UBE2H: variants seen among roughly 807,000 people sequenced by gnomAD.
UBE2H encodes ubiquitin-conjugating enzyme E2 H.
Under a neutral mutation model 29.0 loss-of-function variants are expected in UBE2H, and 3 were observed. The ratio of observed to expected loss-of-function variants is 0.10; its 90% CI spans 0.05 to 0.27. The LOEUF (loss-of-function observed/expected upper bound fraction) is 0.27, where lower values mean the gene tolerates loss of function less well. Among genes scored for constraint, UBE2H ranks in the 10% least tolerant of loss-of-function variants. The pLI is 1.00. For missense variants in UBE2H, 68 were observed against 228.2 expected (o/e 0.30, Z 4.52); for synonymous variants, 69 against 82.9 (o/e 0.83, Z 0.91).
chr7:129,883,115 A>G (rs58667643), intron 1 of UBE2H, among the ~76,000 whole-genome samples: 74 of 152,378 alleles, frequency 4.9e-4, no homozygotes, highest in African/African-American at 1.8e-3. Context: ...TTTCTTCACT[A>G]TAAACAATGA....
At chr7:129,857,359 A>G in intron 5 of UBE2H, 152 bp downstream of exon 5, 1 of 710,090 alleles carries the variant, frequency 1.4e-6, no homozygotes, top group Non-Finnish European at 2.3e-6. Context: ...AAGAGAAAAC[A>G]TTTTTTCCAC....
At chr7:129,868,245 T>C (rs908348060) in intron 3 of UBE2H, among the ~76,000 whole-genome samples, 1 of 151,826 alleles carries the variant, frequency 6.6e-6, no homozygotes, top group Non-Finnish European at 1.5e-5. Flanking sequence ...AAATAGCAAA[T>C]GAAAAGATTA....
rs185462468 is a variant in UBE2H, at chr7:129,918,320, G to C, written c.53+34183C>G. On this transcript the variant is annotated intron_variant, in intron 1 of 6. Coordinates refer to ENST00000355621, the MANE Select transcript of UBE2H (RefSeq NM_003344.4). ...GTAGCAAGAGTAAGAGATAAAGACT[G>C]AAAGTATCCTCATGAAAGACATTGT... Among the ~76,000 whole-genome samples the C allele has an allele frequency of 4.2e-4, 64 of 151,674 alleles. 1 individual carries two copies. Among genetic ancestry groups the C allele is most frequent in the African/African-American group, 1.5e-3 (63 of 41,358 alleles).
At chr7:129,858,990 A>G in intron 3 of UBE2H, 49 bp from the exon 4 acceptor site, 1 of 1,500,892 alleles carries the variant, frequency 6.7e-7, no homozygotes, top group Non-Finnish European at 9.2e-7. Flanking sequence ...AGAGAACAAT[A>G]AAAGTATTTC....
At chr7:129,870,358 G>A (rs1806003604) in intron 3 of UBE2H, among the ~76,000 whole-genome samples, 2 of 152,224 alleles carry the variant, frequency 1.3e-5, no homozygotes, top group African/African-American at 4.8e-5. Flanking sequence ...GCTCACACCT[G>A]CTGTCCCAGC....
intron 4 of UBE2H, among the ~76,000 whole-genome samples, chr7:129,858,419 T>TA (rs1805744586): frequency 6.6e-6 from 1 of 152,080 alleles, no homozygotes; most frequent in African/African-American, 2.4e-5. Flanking sequence ...GCACTAGAAG[T>TA]ATAAAACAGG....
intron 1 of UBE2H, among the ~76,000 whole-genome samples, chr7:129,887,218 CTTTTTT>C (rs58727788): frequency 4.8e-5 from 5 of 103,966 alleles, no homozygotes; most frequent in Middle Eastern, 8.8e-3. Context: ...CTCTCTTGAA[CTTTTTT>C]TTTTTTTTTT....
At chr7:129,871,669 G>A (rs1176770553) in intron 3 of UBE2H, among the ~76,000 whole-genome samples, 1 of 149,764 alleles carries the variant, frequency 6.7e-6, no homozygotes, top group Non-Finnish European at 1.5e-5. Context: ...AGCTGAGATT[G>A]TGCCATTGCA....
intron 1 of UBE2H, among the ~76,000 whole-genome samples, chr7:129,924,135 G>A (rs1462783095): frequency 1.3e-5 from 2 of 152,198 alleles, no homozygotes; most frequent in African/African-American, 4.8e-5. Context: ...ACTTCAGGAG[G>A]CCAAAGTAAT....
intron 1 of UBE2H, among the ~76,000 whole-genome samples, chr7:129,920,387 T>C (rs1463690739): frequency 6.6e-6 from 1 of 152,054 alleles, no homozygotes; most frequent in Admixed American, 6.6e-5. Flanking sequence ...TATGACACTG[T>C]ATATAACGGT....
At chr7:129,877,411 C>T (rs1272893153) in intron 3 of UBE2H, among the ~76,000 whole-genome samples, 1 of 152,154 alleles carries the variant, frequency 6.6e-6, no homozygotes, top group South Asian at 2.1e-4. Context: ...TCTAAGTGAG[C>T]CACAACCTTT....
chr7:129,934,346 C>T (rs1159563653), intron 1 of UBE2H, among the ~76,000 whole-genome samples: 2 of 150,936 alleles, frequency 1.3e-5, no homozygotes, highest in African/African-American at 2.4e-5. Flanking sequence ...ACAACAAAAA[C>T]ATGAGCTGAG....
chr7:129,856,679 A>G (rs1805712025), intron 5 of UBE2H, among the ~76,000 whole-genome samples: 1 of 152,172 alleles, frequency 6.6e-6, no homozygotes, highest in Admixed American at 6.5e-5. Flanking sequence ...ATCCCTAATT[A>G]ACTTCAAATA....
intron 1 of UBE2H, among the ~76,000 whole-genome samples, chr7:129,931,282 A>G (rs546954803): frequency 2.1e-5 from 3 of 145,474 alleles, no homozygotes; most frequent in East Asian, 4.1e-4. Flanking sequence ...CAGCTACTGG[A>G]GAGGCTGAGG....
intron 5 of UBE2H, among the ~76,000 whole-genome samples, chr7:129,846,572 CAA>C (rs34182980): frequency 2.7e-5 from 4 of 150,912 alleles, no homozygotes; most frequent in Non-Finnish European, 4.4e-5. Flanking sequence ...ACCCCCCACT[CAA>C]AAAAAAAATG....
rs1017743867 is a variant in UBE2H, at chr7:129,861,666, C to T, written c.206-2725G>A. On this transcript the variant is annotated intron_variant, in intron 3 of 6. Coordinates refer to ENST00000355621, the MANE Select transcript of UBE2H (RefSeq NM_003344.4). ...CAACACTTTGGGATGCTAAGACGGA[C>T]GGATTACTTGATGTCAGGAGTTTGA... 4.6e-5 allele frequency among the ~76,000 whole-genome samples: 7 copies of T among 152,216 alleles called. No homozygotes were observed. In the East Asian group the frequency reaches 9.7e-4, roughly 21 times the overall value.
chr7:129,864,076 G>T (rs1036503681), intron 3 of UBE2H, among the ~76,000 whole-genome samples: 1 of 152,162 alleles, frequency 6.6e-6, no homozygotes, highest in African/African-American at 2.4e-5. Context: ...TTACAGGCGT[G>T]AGCCACTGCA....
At chr7:129,888,836 G>A (rs771556398) in intron 1 of UBE2H, among the ~76,000 whole-genome samples, 1 of 152,156 alleles carries the variant, frequency 6.6e-6, no homozygotes, top group Non-Finnish European at 1.5e-5. Flanking sequence ...AAGGGAACAC[G>A]AGATCTGTTC....
chr7:129,893,305 T>C (rs1806538899), intron 1 of UBE2H, among the ~76,000 whole-genome samples: 1 of 152,206 alleles, frequency 6.6e-6, no homozygotes, highest in Non-Finnish European at 1.5e-5. Flanking sequence ...AAATCATCAC[T>C]ATAACTTGGC....
Sources: gnomAD v4.1 joint callset for allele counts (sites outside exome capture counted in the v4.1 genomes callset) on GRCh38, gnomAD v4.1.1 for gene constraint, MANE v1.5 for transcripts, NCBI Gene and HGNC (gene_info 2026-07-23, HGNC 2026-07-21) for gene names.